The following PABPC4L variants were observed in gnomAD, a reference collection of about 807,000 sequenced individuals.
PABPC4L encodes the protein poly(A) binding protein cytoplasmic 4 like, also known as polyadenylate-binding protein 4-like.
For missense variants in PABPC4L, 452 were observed against 451.4 expected (o/e 1.00, Z -0.01); for synonymous variants, 169 against 164.1 (o/e 1.03, Z -0.23).
At chr4:134,035,183 T>A in the PABPC4L span, among the ~76,000 whole-genome samples, 1 of 152,004 alleles carries the variant, frequency 6.6e-6, no homozygotes, top group Non-Finnish European at 1.5e-5. Flanking sequence ...AATTAATGTA[T>A]GTAACTTGTC....
the PABPC4L span, among the ~76,000 whole-genome samples, chr4:134,038,372 G>A: frequency 6.6e-6 from 1 of 151,998 alleles, no homozygotes; most frequent in Non-Finnish European, 1.5e-5. Context: ...TTTTTCTATT[G>A]TTTTGAATAG....
chr4:134,164,589 G>A, the PABPC4L span, among the ~76,000 whole-genome samples: 7 of 152,016 alleles, frequency 4.6e-5, no homozygotes, highest in Admixed American at 4.6e-4. Flanking sequence ...ATCATTACAA[G>A]GAGAAATACA....
the PABPC4L span, among the ~76,000 whole-genome samples, chr4:134,057,562 A>T: frequency 6.6e-6 from 1 of 152,070 alleles, no homozygotes; most frequent in African/African-American, 2.4e-5. Context: ...TGACCCTATT[A>T]CTGCTCATTG....
chr4:134,201,238 C>G lies in PABPC4L; in HGVS notation c.-219G>C. The G allele has an allele frequency of 6.5e-7, 1 of 1,531,354 alleles. No individual in the cohort carries two copies. The highest frequency in any genetic ancestry group is 8.8e-7 in the Non-Finnish European group (1 of 1,136,508). 94.9% of individuals were successfully genotyped at this position (1,531,354 alleles called of 1,614,324 possible). ...CCAATCTGGCCCTCCTAGGACGCGG[C>G]AACAGAACTGTGAAATCGCAAAGAG... On this transcript the variant is annotated 5_prime_UTR_variant, in exon 2 of 2. Transcript: ENST00000421491.
At position 134,198,887 on chromosome 4, in the gene PABPC4L, C is replaced by T. The variant is rs1001899754; in HGVS notation, c.*1020G>A. 4.6e-5 allele frequency: 7 copies of T among 151,866 alleles called. No homozygotes were observed. The highest frequency in any genetic ancestry group is 9.7e-5 in the African/African-American group (4 of 41,400). The allele number at this position is 151,866 out of a possible 1,614,324, so 9.4% of individuals were successfully genotyped here. A position where few individuals can be genotyped will look rare whatever the true frequency, so the allele number is the denominator to read the frequency against. ...CTGATCAATGAAGGCTAAAAGTGAA[C>T]CTTAATGGGTTCCATAGCTGCCACA... On this transcript the variant is annotated 3_prime_UTR_variant, in exon 2 of 2. Coordinates refer to ENST00000421491, the MANE Select transcript of PABPC4L (RefSeq NM_001114734.2).
At chr4:134,124,373 T>G in the PABPC4L span, among the ~76,000 whole-genome samples, 1 of 151,978 alleles carries the variant, frequency 6.6e-6, no homozygotes, top group African/African-American at 2.4e-5. Flanking sequence ...CCCACCACCC[T>G]CACTTACCAA....
chr4:134,013,403 C>A, the PABPC4L span, among the ~76,000 whole-genome samples: 1 of 152,018 alleles, frequency 6.6e-6, no homozygotes, highest in Non-Finnish European at 1.5e-5. Context: ...GGCTTGCCTC[C>A]TTCGCTATGG....
chr4:134,040,772 C>T, the PABPC4L span, among the ~76,000 whole-genome samples: 19 of 152,236 alleles, frequency 1.2e-4, no homozygotes, highest in Admixed American at 5.2e-4. Context: ...AAGAAACTAT[C>T]ATCAGAGTGA....
the PABPC4L span, among the ~76,000 whole-genome samples, chr4:134,055,528 T>C: frequency 1.3e-5 from 2 of 151,982 alleles, no homozygotes; most frequent in African/African-American, 4.8e-5. Context: ...AAAAAATTTT[T>C]TTCTATCGTT....
At chr4:133,988,920 C>T in the PABPC4L span, among the ~76,000 whole-genome samples, 1 of 152,180 alleles carries the variant, frequency 6.6e-6, no homozygotes, top group Non-Finnish European at 1.5e-5. Context: ...TTCTTGTCTT[C>T]TGTGCAACTG....
chr4:134,106,467 A>C, the PABPC4L span, among the ~76,000 whole-genome samples: 1 of 151,680 alleles, frequency 6.6e-6, no homozygotes, highest in East Asian at 1.9e-4. Flanking sequence ...GAAAAATAGA[A>C]GTGTAAGAAG....
chr4:134,070,079 T>C, the PABPC4L span, among the ~76,000 whole-genome samples: 825 of 147,876 alleles, frequency 5.6e-3, 4 homozygotes, highest in Non-Finnish European at 6.4e-3. Flanking sequence ...TTTCCAGACA[T>C]TTTTAGGGGG....
chr4:134,088,762 T>C, the PABPC4L span, among the ~76,000 whole-genome samples: 3 of 152,176 alleles, frequency 2.0e-5, no homozygotes, highest in Admixed American at 2.0e-4. Flanking sequence ...AAAAAGTAAA[T>C]TTCTGGTCTT....
At chr4:134,106,525 T>C in the PABPC4L span, among the ~76,000 whole-genome samples, 2 of 151,506 alleles carry the variant, frequency 1.3e-5, no homozygotes, top group East Asian at 1.9e-4. Flanking sequence ...GATAATGATA[T>C]AATCATTTGC....
At chr4:134,002,629 C>T in the PABPC4L span, among the ~76,000 whole-genome samples, 1 of 151,648 alleles carries the variant, frequency 6.6e-6, no homozygotes, top group East Asian at 1.9e-4. Flanking sequence ...AGTTATGTGC[C>T]CTTAAACTTA....
the PABPC4L span, among the ~76,000 whole-genome samples, chr4:134,071,156 C>T: frequency 5.3e-5 from 8 of 152,160 alleles, no homozygotes; most frequent in African/African-American, 1.7e-4. Flanking sequence ...CGTTGCTCAA[C>T]TCCTGTTCAG....
chr4:134,181,819 G>T, the PABPC4L span, among the ~76,000 whole-genome samples: 60 of 151,766 alleles, frequency 4.0e-4, no homozygotes, highest in African/African-American at 1.5e-3. Context: ...AACCGGCAAG[G>T]TAAAATATCT....
the PABPC4L span, among the ~76,000 whole-genome samples, chr4:134,043,031 T>G: frequency 6.6e-6 from 1 of 152,116 alleles, no homozygotes; most frequent in Non-Finnish European, 1.5e-5. Context: ...CTTTGAAATC[T>G]CTGGGATTCT....
At chr4:134,169,251 C>G in the PABPC4L span, among the ~76,000 whole-genome samples, 36 of 151,982 alleles carry the variant, frequency 2.4e-4, no homozygotes, top group Non-Finnish European at 4.7e-4. Context: ...AAGTCTACAT[C>G]TCTTTATGAT....
Sources: gnomAD v4.1 joint callset for allele counts (sites outside exome capture counted in the v4.1 genomes callset) on GRCh38, gnomAD v4.1.1 for gene constraint, MANE v1.5 for transcripts, NCBI Gene and HGNC (gene_info 2026-07-23, HGNC 2026-07-21) for gene names.